The following BBS9 variants were observed in gnomAD, a reference collection of about 807,000 sequenced individuals.
The protein encoded by BBS9 is Bardet-Biedl syndrome 9, also known as protein PTHB1.
Under a neutral mutation model 117.7 loss-of-function variants are expected in BBS9, and 89 were observed. That is an observed-to-expected ratio of 0.76 (90% CI 0.64 to 0.90). The LOEUF (loss-of-function observed/expected upper bound fraction) is 0.90, where lower values mean the gene tolerates loss of function less well. Ranked by LOEUF, BBS9 falls within the 40% of genes least tolerant of loss-of-function variation. The pLI is 0.00. For missense variants in BBS9, 982 were observed against 1,042.2 expected (o/e 0.94, Z 0.80); for synonymous variants, 379 against 370.9 (o/e 1.02, Z -0.25).
chr7:33,272,588 A>C (rs138662664), intron 7 of BBS9, among the ~76,000 whole-genome samples: 1 of 152,152 alleles, frequency 6.6e-6, no homozygotes, highest in South Asian at 2.1e-4. Flanking sequence ...ATATTCTGCT[A>C]TACTCTCTAG....
In BBS9 at chr7:33,612,022, A is replaced by G. The variant is rs566308210; in HGVS notation, c.2522-23155A>G. Among the ~76,000 whole-genome samples the G allele has an allele frequency of 5.9e-5, 9 of 151,428 alleles. 1 individual carries two copies. The South Asian group carries it at 1.5e-3, about 25-fold the overall frequency. ...GTATATCATTGGTCCCTACAGTGGC[A>G]CTGGCTCATGTCATCTCTCCCTTAT... On this transcript the variant is annotated intron_variant, in intron 21 of 21. Transcript: ENST00000671952.
At chr7:33,422,310 A>T (rs976565309) in intron 19 of BBS9, among the ~76,000 whole-genome samples, 1 of 152,204 alleles carries the variant, frequency 6.6e-6, no homozygotes, top group Non-Finnish European at 1.5e-5. Flanking sequence ...ATTCTGATGC[A>T]GACCACTGTA....
intron 7 of BBS9, among the ~76,000 whole-genome samples, chr7:33,267,352 T>A (rs1799000131): frequency 6.6e-6 from 1 of 152,174 alleles, no homozygotes; most frequent in South Asian, 2.1e-4. Flanking sequence ...GGGATTTGCT[T>A]TTTAAAATCA....
intron 19 of BBS9, among the ~76,000 whole-genome samples, chr7:33,491,501 A>G (rs1428963491): frequency 6.6e-6 from 1 of 152,204 alleles, no homozygotes; most frequent in Non-Finnish European, 1.5e-5. Context: ...TTAAGCTAAT[A>G]TGCTACCCTT....
intron 20 of BBS9, among the ~76,000 whole-genome samples, chr7:33,529,107 G>C (rs1317858900): frequency 6.6e-6 from 1 of 152,204 alleles, no homozygotes; most frequent in Non-Finnish European, 1.5e-5. Flanking sequence ...GGCAAGGCCA[G>C]GTCCTTGAAT....
chr7:33,594,549 C>A (rs1296141075), intron 21 of BBS9, among the ~76,000 whole-genome samples: 1 of 152,044 alleles, frequency 6.6e-6, no homozygotes, highest in Non-Finnish European at 1.5e-5. Context: ...GCATTTTTTT[C>A]TGCTGCTTTG....
intron 13 of BBS9, 168 bp downstream of exon 13, chr7:33,349,338 A>G (rs1031752649): frequency 6.1e-6 from 4 of 658,336 alleles, no homozygotes; most frequent in African/African-American, 3.6e-5. Flanking sequence ...CATCAGCATG[A>G]ACGTTCAATC....
chr7:33,190,223 C>T (rs1331222717), intron 5 of BBS9, among the ~76,000 whole-genome samples: 5 of 151,296 alleles, frequency 3.3e-5, no homozygotes, highest in African/African-American at 1.2e-4. Context: ...GGGTTCACGC[C>T]ATTCTCCTGC....
intron 12 of BBS9, 65 bp downstream of exon 12, chr7:33,344,699 T>C: frequency 6.7e-7 from 1 of 1,487,158 alleles, no homozygotes; most frequent in South Asian, 1.1e-5. Context: ...CATCTGTCAC[T>C]GTTGAGAACT....
chr7:33,331,440 AAAT>A (rs1399780894), intron 9 of BBS9, among the ~76,000 whole-genome samples: 4 of 152,170 alleles, frequency 2.6e-5, no homozygotes, highest in Non-Finnish European at 4.4e-5. Flanking sequence ...CAAAAGAAAG[AAAT>A]AATCCAAATT....
At position 33,264,306 on chromosome 7, in the gene BBS9, T is replaced by C; in HGVS notation, c.634T>C (p.Phe212Leu). 1 of 1,554,924 alleles carries C rather than the reference T, an allele frequency of 6.4e-7. No individual in the cohort carries two copies. Among genetic ancestry groups the C allele is most frequent in the Non-Finnish European group, 8.7e-7 (1 of 1,150,214 alleles). ...TTCATACAGGTACCAGGTACTTGCT[T>C]TTGCAACAGATGCAGATAAAAGGCA... ...VESYKYQVLA[F>L]ATDADKRQET... is the part of the protein sequence containing the mutation. Residue 212 changes from phenylalanine to leucine, a missense_variant, in exon 7 of 23, where the codon TTT becomes CTT. Phe to Leu is a conservative substitution (Grantham distance 22). Transcript: ENST00000242067.
At chr7:33,312,031 A>G (rs1465199525) in intron 9 of BBS9, among the ~76,000 whole-genome samples, 2 of 152,202 alleles carry the variant, frequency 1.3e-5, no homozygotes, top group African/African-American at 4.8e-5. Context: ...GTTTCTTGCC[A>G]ATGCTTTAGC....
At chr7:33,439,353 A>G (rs188622843) in intron 19 of BBS9, among the ~76,000 whole-genome samples, 49 of 152,248 alleles carry the variant, frequency 3.2e-4, no homozygotes, top group African/African-American at 1.1e-3. Context: ...TCTGAGTTTT[A>G]AAGAATTCCA....
intron 4 of BBS9, among the ~76,000 whole-genome samples, chr7:33,168,576 T>C (rs1422379169): frequency 1.3e-5 from 2 of 152,200 alleles, no homozygotes; most frequent in Non-Finnish European, 2.9e-5. Flanking sequence ...ATACTAAAGC[T>C]AATTTTAATA....
chr7:33,320,432 T>C (rs910942986), intron 9 of BBS9, among the ~76,000 whole-genome samples: 1 of 152,202 alleles, frequency 6.6e-6, no homozygotes, highest in African/African-American at 2.4e-5. Context: ...TCATTCTTTT[T>C]ATGGCTGAAT....
intron 4 of BBS9, among the ~76,000 whole-genome samples, chr7:33,170,186 T>C (rs1796324218): frequency 1.3e-5 from 2 of 151,536 alleles, no homozygotes; most frequent in South Asian, 4.2e-4. Context: ...TGATGAACAT[T>C]GATGCAAAAA....
At chr7:33,224,945 A>G (rs1790961010) in intron 5 of BBS9, among the ~76,000 whole-genome samples, 2 of 152,104 alleles carry the variant, frequency 1.3e-5, no homozygotes, top group South Asian at 4.1e-4. Context: ...GTTATATTAT[A>G]ATTTTTATTA....
At chr7:33,156,280 T>G (rs1794079900) in intron 4 of BBS9, among the ~76,000 whole-genome samples, 1 of 152,164 alleles carries the variant, frequency 6.6e-6, no homozygotes, top group South Asian at 2.1e-4. Flanking sequence ...TGGCCTTTAT[T>G]AAATGTAAGA....
At chr7:33,384,474 A>G (rs1825656607) in intron 18 of BBS9, among the ~76,000 whole-genome samples, 1 of 152,180 alleles carries the variant, frequency 6.6e-6, no homozygotes, top group Admixed American at 6.5e-5. Flanking sequence ...GATTGATTTG[A>G]TGATTGGGAC....
Sources: gnomAD v4.1 joint callset for allele counts (sites outside exome capture counted in the v4.1 genomes callset) on GRCh38, gnomAD v4.1.1 for gene constraint, MANE v1.5 for transcripts, NCBI Gene and HGNC (gene_info 2026-07-23, HGNC 2026-07-21) for gene names.